TFCP2L1: variants seen among roughly 807,000 people sequenced by gnomAD.
TFCP2L1 encodes the protein transcription factor CP2-like protein 1.
Under a neutral mutation model 72.2 loss-of-function variants are expected in TFCP2L1, and 12 were observed. That is an observed-to-expected ratio of 0.17 (90% CI 0.11 to 0.27). The LOEUF (loss-of-function observed/expected upper bound fraction) is 0.27. Among genes scored for constraint, TFCP2L1 ranks in the 10% least tolerant of loss-of-function variants. The pLI, the probability that TFCP2L1 is intolerant of heterozygous loss-of-function variation, is 1.00. For missense variants in TFCP2L1, 488 were observed against 624.6 expected, an observed-to-expected ratio of 0.78 and a Z score of 2.33; for synonymous variants, 260 against 251.0, an observed-to-expected ratio of 1.04 and a Z score of -0.34.
At chr2:121,266,024 C>A (rs2104739831) in intron 2 of TFCP2L1, among the ~76,000 whole-genome samples, 2 of 152,104 alleles carry the variant, frequency 1.3e-5, no homozygotes, top group East Asian at 3.9e-4. Flanking sequence ...TGCCACCACA[C>A]CTGGCTAATT....
At chr2:121,243,880 A>T (rs2104694391) in intron 6 of TFCP2L1, among the ~76,000 whole-genome samples, 1 of 152,282 alleles carries the variant, frequency 6.6e-6, no homozygotes, top group Non-Finnish European at 1.5e-5. Context: ...AATGCACTGA[A>T]TCATCCCGAA....
At chr2:121,224,517 C>T (rs145451564) in intron 14 of TFCP2L1, 130 bp from the exon 15 acceptor site, 182 of 835,178 alleles carry the variant, frequency 2.2e-4, no homozygotes, top group Middle Eastern at 1.2e-3. Context: ...TACAGCAAAG[C>T]GTGCTGGCAG....
At position 121,242,436 on chromosome 2, in the gene TFCP2L1, G is replaced by T. The variant is rs267598857; in HGVS notation, c.691C>A (p.Arg231=). ...KGADRKQKTD[R]EKMEKRTAQE... is the part of the protein sequence containing the mutation. ...GCAGTTCTTTTCTCCATCTTCTCCCGGTCAGTCTTCTGTTTCCGATCGGCT... is the reference window on the plus strand; with the variant it reads ...GCAGTTCTTTTCTCCATCTTCTCCCTGTCAGTCTTCTGTTTCCGATCGGCT... Residue 231 remains arginine, a synonymous_variant, in exon 7 of 15, where the codon CGG becomes AGG. Transcript: ENST00000263707. The T allele has an allele frequency of 1.2e-6, 2 of 1,614,080 alleles. No homozygotes were observed. The highest frequency in any genetic ancestry group is 1.7e-6 in the Non-Finnish European group (2 of 1,180,028).
At chr2:121,268,139 AAACACACC>A (rs1686970323) in intron 2 of TFCP2L1, among the ~76,000 whole-genome samples, 1 of 152,148 alleles carries the variant, frequency 6.6e-6, no homozygotes, top group Non-Finnish European at 1.5e-5. Flanking sequence ...AACAATAACA[AAACACACC>A]CCCTATTAAT....
At chr2:121,276,155 T>C (rs926496130) in intron 2 of TFCP2L1, among the ~76,000 whole-genome samples, 1 of 152,140 alleles carries the variant, frequency 6.6e-6, no homozygotes, top group African/African-American at 2.4e-5. Flanking sequence ...CCATGGTGGT[T>C]TGCTGCACCC....
At chr2:121,245,189 T>C (rs1239722992) in intron 6 of TFCP2L1, among the ~76,000 whole-genome samples, 5 of 152,094 alleles carry the variant, frequency 3.3e-5, no homozygotes, top group Admixed American at 6.5e-5. Flanking sequence ...GGGGCCGCCA[T>C]GTGAGAAGGA....
Position 121,222,604 on chromosome 2 carries a change from G to C in TFCP2L1, c.*1737C>G, listed in dbSNP as rs1685946638. 6.6e-6 allele frequency: 1 copy of C among 152,222 alleles called. No individual in the cohort carries two copies. The highest frequency in any genetic ancestry group is 1.5e-5 in the Non-Finnish European group (1 of 68,054). The allele number at this position is 152,222 out of a possible 1,614,324, so 9.4% of individuals were successfully genotyped here. A position where few individuals can be genotyped will look rare whatever the true frequency, so the allele number is the denominator to read the frequency against. ...GTCCAGAGTAGGTTAATCTTACATAGAAAGTAGATTCATGGCTGCCTTGGA... is the reference window on the plus strand; with the variant it reads ...GTCCAGAGTAGGTTAATCTTACATACAAAGTAGATTCATGGCTGCCTTGGA... On this transcript the variant is annotated 3_prime_UTR_variant, in exon 15 of 15. Coordinates refer to ENST00000263707, the MANE Select transcript of TFCP2L1 (RefSeq NM_014553.3).
chr2:121,255,363 A>T (rs1286311582), intron 2 of TFCP2L1, among the ~76,000 whole-genome samples: 2 of 151,972 alleles, frequency 1.3e-5, no homozygotes, highest in Admixed American at 1.3e-4. Flanking sequence ...GGAATTGTAA[A>T]ATGTGGGGGG....
intron 6 of TFCP2L1, among the ~76,000 whole-genome samples, chr2:121,244,150 T>C (rs1237697241): frequency 6.6e-6 from 1 of 152,052 alleles, no homozygotes; most frequent in Non-Finnish European, 1.5e-5. Flanking sequence ...GCACAGAGGG[T>C]ACAAGCAAGG....
chr2:121,281,371 AG>A (rs1416800359), intron 1 of TFCP2L1, 100 bp from the exon 2 acceptor site: 3 of 1,378,124 alleles, frequency 2.2e-6, no homozygotes, highest in African/African-American at 1.5e-5. Flanking sequence ...ACCGGGGCCC[AG>A]GGTGACACGG....
In TFCP2L1 at chr2:121,237,643, C is replaced by T. The variant is rs148724151; in HGVS notation, c.983G>A (p.Arg328Gln). ...LHRNRFSQFC[R>Q]LFASFSGADL... is the part of the protein sequence containing the mutation. Reference sequence around the variant, plus strand: ...CTCACCTGAGAAGCTGGCAAAGAGCCGGCAGAACTGCGAGAACCTGTTGCG... The same window carrying T: ...CTCACCTGAGAAGCTGGCAAAGAGCTGGCAGAACTGCGAGAACCTGTTGCG... The change falls in exon 10 of 15, where the codon CGG becomes CAG. Residue 328 changes from arginine (R) to glutamine (Q), a missense_variant. Physicochemically the swap from Arg to Gln is conservative, Grantham distance 43 (BLOSUM62 1). Around this residue, in one of 3 missense-constraint regions of TFCP2L1, gnomAD observed 286 missense variants for 329.0 expected, o/e 0.87. Transcript: ENST00000263707. 2.8e-5 allele frequency: 45 copies of T among 1,614,170 alleles called. No individual in the cohort carries two copies. Among genetic ancestry groups the T allele is most frequent in the East Asian group, 4.5e-5 (2 of 44,874 alleles).
At chr2:121,240,097 A>C (rs1686336779) in intron 7 of TFCP2L1, 1 of 985,252 alleles carries the variant, frequency 1.0e-6, no homozygotes, top group Non-Finnish European at 1.2e-6. Flanking sequence ...GTCAGTATTA[A>C]AACCTGTGCT....
At chr2:121,249,793 G>T in intron 2 of TFCP2L1, 146 bp from the exon 3 acceptor site, 1 of 745,142 alleles carries the variant, frequency 1.3e-6, no homozygotes, top group Non-Finnish European at 2.2e-6. Context: ...CCCACGACCA[G>T]CTCAGCTCAC....
At position 121,224,305 on chromosome 2, in the gene TFCP2L1, C is replaced by T. The variant is rs1270335697; in HGVS notation, c.*36G>A. 1.2e-6 allele frequency: 2 copies of T among 1,612,898 alleles called. No homozygotes were observed. Among genetic ancestry groups the T allele is most frequent in the Non-Finnish European group, 1.7e-6 (2 of 1,179,468 alleles). On this transcript the variant is annotated 3_prime_UTR_variant, in exon 15 of 15. Transcript: ENST00000263707. ...TCTACATCCACGGGGATCCACAGGG[C>T]TGGGAGCTGGAGACAGGTATGAGGT...
At chr2:121,284,556 C>T (rs1045280958) in intron 1 of TFCP2L1, among the ~76,000 whole-genome samples, 2 of 152,214 alleles carry the variant, frequency 1.3e-5, no homozygotes, top group African/African-American at 4.8e-5. Flanking sequence ...CCTCCGAGCC[C>T]GCCGCCCGCC....
intron 10 of TFCP2L1, among the ~76,000 whole-genome samples, 156 bp downstream of exon 10, chr2:121,237,467 G>C (rs181795552): frequency 6.6e-5 from 10 of 152,220 alleles, no homozygotes; most frequent in African/African-American, 2.4e-4. Context: ...ACTTGGCCCA[G>C]GGTTGGGGCA....
At chr2:121,281,047 C>A (rs1312087139) in intron 2 of TFCP2L1, 73 bp downstream of exon 2, 4 of 1,600,308 alleles carry the variant, frequency 2.5e-6, no homozygotes, top group Non-Finnish European at 3.4e-6. Flanking sequence ...AGTCACAAGG[C>A]CCAAATGGGC....
At chr2:121,244,203 C>G (rs984109833) in intron 6 of TFCP2L1, among the ~76,000 whole-genome samples, 2 of 152,342 alleles carry the variant, frequency 1.3e-5, no homozygotes, top group East Asian at 3.9e-4. Flanking sequence ...ATGCAGGGCA[C>G]GCACTGGGCC....
intron 7 of TFCP2L1, chr2:121,240,323 AG>A (rs1686343080): frequency 3.0e-6 from 3 of 985,308 alleles, no homozygotes; most frequent in Non-Finnish European, 3.6e-6. Context: ...AAAGGAAGCA[AG>A]GGTTTACAGG....
Sources: gnomAD v4.1 joint callset for allele counts (sites outside exome capture counted in the v4.1 genomes callset) on GRCh38, gnomAD v4.1.1 for gene constraint, gnomAD v4.1.1 regional missense constraint, MANE v1.5 for transcripts, NCBI Gene and HGNC (gene_info 2026-07-23, HGNC 2026-07-21) for gene names.